The following QSER1 variants were observed in gnomAD, a reference collection of about 807,000 sequenced individuals.
QSER1 encodes glutamine and serine-rich protein 1.
In QSER1, 49 loss-of-function variants were observed where a neutral mutation model predicts 158.5. That is an observed-to-expected ratio of 0.31 (90% confidence interval 0.25 to 0.39). QSER1 has a LOEUF of 0.39. Among genes scored for constraint, QSER1 ranks in the 10% least tolerant of loss-of-function variants. The pLI, the probability that QSER1 is intolerant of heterozygous loss-of-function variation, is 1.00. For synonymous variants in QSER1, 650 were observed against 715.5 expected (o/e 0.91, Z 1.46); for missense variants, 1,754 against 2,010.3 (o/e 0.87, Z 2.44).
intron 9 of QSER1, among the ~76,000 whole-genome samples, chr11:32,967,398 T>C (rs1228923563): frequency 6.6e-6 from 1 of 152,138 alleles, no homozygotes; most frequent in African/African-American, 2.4e-5. Flanking sequence ...GGGTGATGGA[T>C]GCACTAAAAT....
intron 1 of QSER1, among the ~76,000 whole-genome samples, chr11:32,917,833 A>AAC (rs1554925353): frequency 2.0e-5 from 3 of 151,422 alleles, no homozygotes; most frequent in Non-Finnish European, 2.9e-5. Flanking sequence ...AAAAAAAAAA[A>AAC]AAAAAAAAAA....
intron 1 of QSER1, among the ~76,000 whole-genome samples, chr11:32,906,254 C>T (rs1372188574): frequency 6.6e-6 from 1 of 151,742 alleles, no homozygotes; most frequent in Admixed American, 6.6e-5. Flanking sequence ...GAAACCCTGT[C>T]TTTACTGAAA....
rs1448245984 is a variant in QSER1 at position 32,941,425 on chromosome 11, C to T, written c.4177+5990C>T. 2.9e-5 allele frequency among the ~76,000 whole-genome samples: 4 copies of T among 137,466 alleles called. No individual in the cohort carries two copies. The Admixed American group carries it at 3.1e-4, about 11-fold the overall frequency. 90.2% of individuals were successfully genotyped at this position (137,466 alleles called of 152,430 possible). On this transcript the variant is annotated intron_variant, in intron 4 of 12. Coordinates refer to ENST00000650167, the MANE Select transcript of QSER1 (RefSeq NM_001076786.3). ...GTCCCCAGAGTGTGATGTTCCCCTTCCTGTGTCCATGTTATCTCACTGTTC... is the reference window on the plus strand; with the variant it reads ...GTCCCCAGAGTGTGATGTTCCCCTTTCTGTGTCCATGTTATCTCACTGTTC...
chr11:32,899,455 A>G (rs1851598111), intron 1 of QSER1, among the ~76,000 whole-genome samples: 1 of 152,210 alleles, frequency 6.6e-6, no homozygotes, highest in African/African-American at 2.4e-5. Flanking sequence ...AAGTATGTCT[A>G]CCAAAACACA....
rs776109726 is a variant in QSER1, at chr11:32,935,203, A to C, written c.3945A>C (p.Thr1315=). The C allele has an allele frequency of 6.2e-7, 1 of 1,613,796 alleles. No homozygotes were observed. The highest frequency in any genetic ancestry group is 8.5e-7 in the Non-Finnish European group (1 of 1,179,922). Residue 1315 remains threonine, a synonymous_variant, in exon 4 of 13, where the codon ACA becomes ACC. Coordinates refer to ENST00000650167, the MANE Select transcript of QSER1 (RefSeq NM_001076786.3). ...TRRPGTQMVR[T]FCPPPLPKPS... is the part of the protein sequence containing the mutation. ...GGCCAGGGACCCAGATGGTTCGTAC[A>C]TTTTGTCCCCCACCACTTCCCAAGC...
chr11:32,908,097 C>G (rs925983518), intron 1 of QSER1, among the ~76,000 whole-genome samples: 2 of 151,584 alleles, frequency 1.3e-5, no homozygotes, highest in Admixed American at 1.3e-4. Context: ...GACACTTTCT[C>G]AAAAGAAAAG....
At chr11:32,937,632 T>C (rs1590169598) in intron 4 of QSER1, among the ~76,000 whole-genome samples, 1 of 152,226 alleles carries the variant, frequency 6.6e-6, no homozygotes, top group Admixed American at 6.5e-5. Context: ...ATCCTCCACA[T>C]TGTCAACAGA....
Position 32,958,096 on chromosome 11 carries a change from C to A in QSER1, c.4969+10C>A. ...AGTAGTGACGATGAGGGTGAGTTTT[C>A]CGTGAAATGGCTACCCTGATAACTT... On this transcript the variant is annotated intron_variant, in intron 8 of 12. Coordinates refer to ENST00000650167, the MANE Select transcript of QSER1 (RefSeq NM_001076786.3). 3 of 1,602,734 alleles carry A rather than the reference C, an allele frequency of 1.9e-6. No individual in the cohort carries two copies. Among genetic ancestry groups the A allele is most frequent in the South Asian group, 1.1e-5 (1 of 90,686 alleles).
At chr11:32,896,129 G>C (rs1422836489) in intron 1 of QSER1, among the ~76,000 whole-genome samples, 1 of 152,120 alleles carries the variant, frequency 6.6e-6, no homozygotes, top group Non-Finnish European at 1.5e-5. Flanking sequence ...ATACCTTTTG[G>C]GGTGCAGTTT....
In QSER1 at chr11:32,932,011, A is replaced by G. The variant is rs750521951; in HGVS notation, c.753A>G (p.Val251=). 5.0e-6 allele frequency: 8 copies of G among 1,614,098 alleles called. No individual in the cohort carries two copies. Among genetic ancestry groups the G allele is most frequent in the Non-Finnish European group, 5.9e-6 (7 of 1,180,044 alleles). ...CATTTGAGCGCCTGGGCAGTTCTGT[A>G]TTAAGTAACAGCATACCACCTCAGT... The part of the protein sequence containing the change: ...ALAFERLGSS[V]LSNSIPPQSS... The change falls in exon 4 of 13, where the codon GTA becomes GTG. Residue 251 remains valine, a synonymous_variant. Transcript: ENST00000650167.
intron 8 of QSER1, among the ~76,000 whole-genome samples, chr11:32,964,735 TATATACACAC>T (rs1289316773): frequency 3.4e-5 from 4 of 116,656 alleles, no homozygotes; most frequent in African/African-American, 9.8e-5. Flanking sequence ...TATATATATA[TATATACACAC>T]ACACACACAC....
rs1853033295 is a variant in QSER1, at chr11:32,979,324, G to GC, written c.*2850_*2851insC. 1 of 152,506 alleles carries GC rather than the reference G, an allele frequency of 6.6e-6. No homozygotes were observed. Among genetic ancestry groups the GC allele is most frequent in the Non-Finnish European group, 1.5e-5 (1 of 68,038 alleles). 9.4% of individuals were successfully genotyped at this position (152,506 alleles called of 1,614,324 possible). A position where few individuals can be genotyped will look rare whatever the true frequency, so the allele number is the denominator to read the frequency against. On this transcript the variant is annotated 3_prime_UTR_variant, in exon 13 of 13. Coordinates refer to ENST00000650167, the MANE Select transcript of QSER1 (RefSeq NM_001076786.3). ...AGGAAAGTATTTTTAAGAAAGATTGGATTTTCCTACCTTTAGAGATCTAAA... is the reference window on the plus strand; with the variant it reads ...AGGAAAGTATTTTTAAGAAAGATTGGCATTTTCCTACCTTTAGAGATCTAAA...
intron 4 of QSER1, among the ~76,000 whole-genome samples, chr11:32,941,704 G>A (rs1852240287): frequency 1.3e-5 from 2 of 152,192 alleles, no homozygotes; most frequent in South Asian, 2.1e-4. Context: ...ATGTGCATGT[G>A]TCTTTATAGC....
In QSER1 at chr11:32,932,106, C is replaced by T. The variant is rs747463119; in HGVS notation, c.848C>T (p.Ser283Leu). Residue 283 changes from serine to leucine, a missense_variant, in exon 4 of 13, where the codon TCA becomes TTA. Ser to Leu is a moderately radical substitution (Grantham distance 145). This residue lies in a region of QSER1 where 1,707 missense variants were observed against 1,919.6 expected (regional missense o/e 0.89). Coordinates refer to ENST00000650167, the MANE Select transcript of QSER1 (RefSeq NM_001076786.3). Reference sequence around the variant, plus strand: ...CAACCTCAATTTAGTTTGTTGCCTTCAGCACTTGGGGGATCCCAGCAGACT... The same window carrying T: ...CAACCTCAATTTAGTTTGTTGCCTTTAGCACTTGGGGGATCCCAGCAGACT... ...LLQPQFSLLP[S>L]ALGGSQQTPQ... The T allele has an allele frequency of 1.2e-6, 2 of 1,614,170 alleles. No individual in the cohort carries two copies. Among genetic ancestry groups the T allele is most frequent in the South Asian group, 1.1e-5 (1 of 91,084 alleles).
Position 32,893,847 on chromosome 11 carries a change from C to T in QSER1, c.209+513C>T, listed in dbSNP as rs1166759992. On this transcript the variant is annotated intron_variant, in intron 1 of 12. Transcript: ENST00000650167. The surrounding 1 kb of genome is among the most constrained non-coding windows in gnomAD (Gnocchi z 4.7). Reference sequence around the variant, plus strand: ...TGGGGGGCCCGGGAGGGCTGGGCTACGGGAGAATCCCCGGGGCGCAGGGCA... The same window carrying T: ...TGGGGGGCCCGGGAGGGCTGGGCTATGGGAGAATCCCCGGGGCGCAGGGCA... Among the ~76,000 whole-genome samples, 1 of 152,116 alleles carries T rather than the reference C, an allele frequency of 6.6e-6. No homozygotes were observed. The highest frequency in any genetic ancestry group is 2.1e-4 in the South Asian group (1 of 4,824).
intron 1 of QSER1, among the ~76,000 whole-genome samples, chr11:32,896,029 TATAA>T (rs1466337168): frequency 6.6e-6 from 1 of 152,240 alleles, no homozygotes; most frequent in Non-Finnish European, 1.5e-5. Context: ...GGACTGGCCA[TATAA>T]ATCTTCATTT....
At chr11:32,975,780 A>G in intron 12 of QSER1, 1 of 454,474 alleles carries the variant, frequency 2.2e-6, no homozygotes, top group South Asian at 3.7e-5. Context: ...AAAAACTGAA[A>G]GTTAAAATTT....
chr11:32,912,744 A>T (rs952622002), intron 1 of QSER1, among the ~76,000 whole-genome samples: 4 of 152,076 alleles, frequency 2.6e-5, no homozygotes, highest in Non-Finnish European at 5.9e-5. Flanking sequence ...CCTTGTCTCT[A>T]TAAAAAGATA....
rs139756945 is a variant in QSER1, at chr11:32,934,390, T to A, written c.3132T>A (p.Asn1044Lys). Residue 1044 changes from asparagine to lysine, a missense_variant, in exon 4 of 13, where the codon AAT becomes AAA. Physicochemically the swap from Asn to Lys is moderately conservative, Grantham distance 94. Coordinates refer to ENST00000650167, the MANE Select transcript of QSER1 (RefSeq NM_001076786.3). ...CAGCTACAGTAGGAAAGCCACAGAA[T>A]ATAAATGATACTTCCTTAAATGGAA... ...SMTATVGKPQNINDTSLNGNQ... is the reference protein window; with the variant it reads ...SMTATVGKPQKINDTSLNGNQ... 6.2e-7 allele frequency: 1 copy of A among 1,613,840 alleles called. No individual in the cohort carries two copies. The highest frequency in any genetic ancestry group is 1.7e-5 in the Admixed American group (1 of 59,960).
Sources: allele counts gnomAD v4.1 joint callset (sites outside exome capture counted in the v4.1 genomes callset), GRCh38; gene constraint gnomAD v4.1.1; regional missense constraint gnomAD v4.1.1; non-coding constraint Gnocchi (gnomAD v3.1); transcripts MANE v1.5; gene names NCBI Gene and HGNC (gene_info 2026-07-23, HGNC 2026-07-21).